The following DYSF variants were observed in gnomAD, a reference collection of about 807,000 sequenced individuals.
DYSF encodes dystrophy-associated fer-1-like 1.
Under a neutral mutation model 274.9 loss-of-function variants are expected in DYSF, and 212 were observed. The ratio of observed to expected loss-of-function variants is 0.77; its 90% CI spans 0.69 to 0.86. The LOEUF is 0.86. DYSF is among the 40% of genes least tolerant of loss of function. DYSF has a pLI of 0.00. For missense variants in DYSF, 2,666 were observed against 2,783.2 expected (o/e 0.96, Z 0.95); for synonymous variants, 1,091 against 1,078.7 (o/e 1.01, Z -0.22).
At chr2:71,544,889 CA>C (rs1378802053) in intron 17 of DYSF, among the ~76,000 whole-genome samples, 1 of 152,188 alleles carries the variant, frequency 6.6e-6, no homozygotes, top group Admixed American at 6.5e-5. Context: ...TGCCTTCTGT[CA>C]GGGGCTGGGC....
At chr2:71,648,561 A>T (rs1253039416) in intron 42 of DYSF, among the ~76,000 whole-genome samples, 1 of 152,118 alleles carries the variant, frequency 6.6e-6, no homozygotes, top group African/African-American at 2.4e-5. Flanking sequence ...TACAGAAAAA[A>T]CCATAATGGT....
intron 41 of DYSF, among the ~76,000 whole-genome samples, chr2:71,636,706 G>A (rs189318996): frequency 6.6e-6 from 1 of 152,308 alleles, no homozygotes; most frequent in Admixed American, 6.5e-5. Flanking sequence ...ACTCATCAAT[G>A]TATGTGCTAT....
chr2:71,667,786 C>T (rs2095043569), intron 48 of DYSF, among the ~76,000 whole-genome samples: 1 of 152,156 alleles, frequency 6.6e-6, no homozygotes, highest in African/African-American at 2.4e-5. Flanking sequence ...TCCGACCTCT[C>T]CTTGTCATCC....
At chr2:71,571,615 C>T (rs1158439488) in intron 29 of DYSF, among the ~76,000 whole-genome samples, 1 of 132,962 alleles carries the variant, frequency 7.5e-6, no homozygotes, top group Non-Finnish European at 1.6e-5. Context: ...ACACCCAGCA[C>T]ACACACAGAT....
chr2:71,601,110 G>A (rs2093538811), intron 34 of DYSF, among the ~76,000 whole-genome samples: 1 of 152,206 alleles, frequency 6.6e-6, no homozygotes, highest in Non-Finnish European at 1.5e-5. Context: ...GATTAAGGGA[G>A]CCTTAATTGC....
At chr2:71,472,596 C>T (rs917742613) in intron 1 of DYSF, among the ~76,000 whole-genome samples, 5 of 152,052 alleles carry the variant, frequency 3.3e-5, no homozygotes, top group South Asian at 2.1e-4. Flanking sequence ...TTAGTAGAGA[C>T]GGGGTTTCAC....
Position 71,568,190 on chromosome 2 carries a change from T to C in DYSF, c.2716T>C (p.Leu906=), listed in dbSNP as rs2092223294. ...FAETYENETK[L]ALVGNWGTTG... is the part of the protein sequence containing the mutation. ...CCTCCAGTATGAGAACGAGACTAAG[T>C]TGGCCCTTGTTGGGAACTGGGGCAC... Residue 906 remains leucine (L), a synonymous_variant, in exon 26 of 56, where the codon TTG becomes CTG. Coordinates refer to ENST00000410020, the MANE Select transcript of DYSF (RefSeq NM_001130987.2). The C allele has an allele frequency of 1.9e-6, 3 of 1,614,118 alleles. No homozygotes were observed. Among genetic ancestry groups the C allele is most frequent in the African/African-American group, 1.3e-5 (1 of 74,942 alleles).
intron 12 of DYSF, among the ~76,000 whole-genome samples, chr2:71,522,435 G>GT (rs1559070809): frequency 2.0e-5 from 3 of 152,010 alleles, no homozygotes; most frequent in African/African-American, 7.2e-5. Context: ...GTTCGATTCT[G>GT]GAGCCCACGC....
chr2:71,468,931 G>A (rs529852690), intron 1 of DYSF, among the ~76,000 whole-genome samples: 1 of 152,308 alleles, frequency 6.6e-6, no homozygotes, highest in Non-Finnish European at 1.5e-5. Flanking sequence ...CCAGCCTCTA[G>A]CCATCCTCCA....
At chr2:71,612,926 T>C in intron 39 of DYSF, 120 bp downstream of exon 39, 1 of 1,309,176 alleles carries the variant, frequency 7.6e-7, no homozygotes, top group Non-Finnish European at 1.0e-6. Flanking sequence ...TGAGAAGTGG[T>C]TTCTGCTCTG....
intron 3 of DYSF, among the ~76,000 whole-genome samples, chr2:71,486,490 C>T (rs888215867): frequency 1.3e-5 from 2 of 152,154 alleles, no homozygotes; most frequent in African/African-American, 4.8e-5. Context: ...CCTCTCTTTC[C>T]TATGGCTCCT....
chr2:71,605,500 G>A (rs1226642912), intron 36 of DYSF, among the ~76,000 whole-genome samples: 3 of 152,152 alleles, frequency 2.0e-5, no homozygotes, highest in Non-Finnish European at 4.4e-5. Flanking sequence ...AGACCCATGG[G>A]GCTTGTGATC....
intron 7 of DYSF, 65 bp downstream of exon 7, chr2:71,513,986 C>G: frequency 6.3e-7 from 1 of 1,586,184 alleles, no homozygotes; most frequent in Non-Finnish European, 8.6e-7. Flanking sequence ...TGCCAGGCAC[C>G]TGCCTGGTTT....
chr2:71,570,179 C>T (rs1458219512), intron 27 of DYSF, 50 bp from the exon 28 acceptor site: 8 of 1,532,098 alleles, frequency 5.2e-6, no homozygotes, highest in Middle Eastern at 1.7e-4. Flanking sequence ...CCTCCCTGCT[C>T]ACATCTGTCT....
chr2:71,494,719 T>C (rs180750568), intron 3 of DYSF, among the ~76,000 whole-genome samples: 42 of 152,372 alleles, frequency 2.8e-4, no homozygotes, highest in South Asian at 2.7e-3. Context: ...TCAGGGCCAT[T>C]CTCTCAGAGT....
At chr2:71,465,481 C>G (rs1273353192), upstream of DYSF, among the ~76,000 whole-genome samples, 1 of 152,098 alleles carries the variant, frequency 6.6e-6, no homozygotes, top group Admixed American at 6.5e-5. Flanking sequence ...TTGCCCCCAG[C>G]AGTGAGGGCT....
At chr2:71,464,491 A>G (rs2081413102), upstream of DYSF, among the ~76,000 whole-genome samples, 1 of 152,208 alleles carries the variant, frequency 6.6e-6, no homozygotes, top group South Asian at 2.1e-4. Flanking sequence ...TGATATCTGA[A>G]GGAAAGGAAG....
At chr2:71,669,253 C>A in intron 50 of DYSF, 46 bp downstream of exon 50, 2 of 1,488,596 alleles carry the variant, frequency 1.3e-6, no homozygotes, top group Non-Finnish European at 1.8e-6. Flanking sequence ...CCGCAGCTCC[C>A]GTGCTCCCTC....
At chr2:71,538,249 A>G (rs1215074266) in intron 16 of DYSF, among the ~76,000 whole-genome samples, 1 of 152,236 alleles carries the variant, frequency 6.6e-6, no homozygotes, top group Non-Finnish European at 1.5e-5. Context: ...TACGTGCTCA[A>G]TAAATGTTAG....
Sources: allele counts gnomAD v4.1 joint callset (sites outside exome capture counted in the v4.1 genomes callset), GRCh38; gene constraint gnomAD v4.1.1; transcripts MANE v1.5; gene names NCBI Gene and HGNC (gene_info 2026-07-23, HGNC 2026-07-21).